Variants in FCSK observed in about 807,000 individuals in gnomAD.
The protein encoded by FCSK is L-fucose kinase.
FCSK carries 123 observed loss-of-function variants against 122.5 expected under a neutral mutation model. The observed-to-expected ratio is 1.00, with a 90% confidence interval of 0.87 to 1.17. FCSK has a LOEUF of 1.17. Ranked by LOEUF, FCSK falls within the 50% of genes most tolerant of loss-of-function variation. FCSK has a pLI of 0.00. For missense variants in FCSK, 1,366 were observed against 1,450.4 expected, an observed-to-expected ratio of 0.94 and a Z score of 0.95; for synonymous variants, 620 against 625.5, an observed-to-expected ratio of 0.99 and a Z score of 0.13.
chr16:70,476,470 CT>C (rs2048822005), intron 20 of FCSK: 1 of 152,340 alleles, frequency 6.6e-6, no homozygotes, highest in Admixed American at 6.5e-5. Context: ...CCCCCACCCC[CT>C]GGCCATATGG....
chr16:70,472,604 C>CG lies in FCSK; in HGVS notation c.1406+1dup. 6.2e-7 allele frequency: 1 copy of CG among 1,611,804 alleles called. No individual in the cohort carries two copies. Among genetic ancestry groups the CG allele is most frequent in the Non-Finnish European group, 8.5e-7 (1 of 1,178,634 alleles). On this transcript the variant is annotated frameshift_variant and splice_region_variant, in exon 14 of 24. Coordinates refer to ENST00000288078, the MANE Select transcript of FCSK (RefSeq NM_145059.3). LOFTEE classifies it high-confidence loss of function. ...TGAATTCTTCAAGAGGACAGGTGTT[C>CG]GGTAAGGTGGACACCCCTAGGGCCT...
At chr16:70,460,102 C>G (rs888605271) in intron 1 of FCSK, among the ~76,000 whole-genome samples, 1 of 136,550 alleles carries the variant, frequency 7.3e-6, no homozygotes, top group Non-Finnish European at 1.5e-5. Context: ...CACGTCTAGC[C>G]TCTTTTTTTT....
chr16:70,472,778 A>C (rs1171620713), intron 14 of FCSK, among the ~76,000 whole-genome samples, 173 bp downstream of exon 14: 1 of 152,094 alleles, frequency 6.6e-6, no homozygotes, highest in African/African-American at 2.4e-5. Flanking sequence ...GGCAGCTCCC[A>C]GTCTCTGGCT....
intron 14 of FCSK, 47 bp downstream of exon 14, chr16:70,472,652 T>C (rs760600256): frequency 6.9e-7 from 1 of 1,447,214 alleles, no homozygotes; most frequent in Non-Finnish European, 9.6e-7. Flanking sequence ...GCAGCTGGGG[T>C]GGCTGCTGCT....
chr16:70,475,575 C>T, intron 19 of FCSK, 73 bp from the exon 20 acceptor site: 1 of 1,580,980 alleles, frequency 6.3e-7, no homozygotes. Flanking sequence ...TGGCCTCTGC[C>T]CTTAGACGGA....
At chr16:70,461,580 C>T (rs2048265453) in intron 1 of FCSK, among the ~76,000 whole-genome samples, 1 of 152,140 alleles carries the variant, frequency 6.6e-6, no homozygotes, top group South Asian at 2.1e-4. Context: ...TGGCTGAGAC[C>T]CCTGGGAAGG....
Sources: allele counts gnomAD v4.1 joint callset (sites outside exome capture counted in the v4.1 genomes callset), GRCh38; gene constraint gnomAD v4.1.1; transcripts MANE v1.5; gene names NCBI Gene and HGNC (gene_info 2026-07-23, HGNC 2026-07-21).